The following TRPC4 variants were observed in gnomAD, a reference collection of about 807,000 sequenced individuals.
TRPC4 encodes short transient receptor potential channel 4.
In TRPC4, 49 loss-of-function variants were observed where a neutral mutation model predicts 99.4. The observed-to-expected ratio is 0.49, with a 90% CI of 0.39 to 0.63. TRPC4 has a LOEUF of 0.63. TRPC4 is among the 20% of genes least tolerant of loss of function. TRPC4 has a pLI of 0.00. For synonymous variants in TRPC4, 454 were observed against 425.9 expected (o/e 1.07, Z -0.81); for missense variants, 898 against 1,152.9 (o/e 0.78, Z 3.20).
intron 2 of TRPC4, among the ~76,000 whole-genome samples, chr13:37,753,601 GAGAGAGAAAGAA>G (rs1956010013): frequency 7.2e-6 from 1 of 139,280 alleles, no homozygotes; most frequent in Non-Finnish European, 1.6e-5. Context: ...GAGAGAGAGA[GAGAGAGAAAGAA>G]AGAAAGAGAA....
chr13:37,785,355 G>C (rs1288493062), intron 1 of TRPC4, among the ~76,000 whole-genome samples: 3 of 152,014 alleles, frequency 2.0e-5, no homozygotes. Flanking sequence ...GACCTTCACA[G>C]TGTAATTTTA....
In TRPC4 at chr13:37,675,906, C is replaced by T. The variant is rs538835771; in HGVS notation, c.1235-1539G>A. Among the ~76,000 whole-genome samples the T allele has an allele frequency of 1.9e-4, 29 of 152,218 alleles. No individual in the cohort carries two copies. The South Asian group carries it at 5.2e-3, about 27-fold the overall frequency. The stretch of plus-strand genomic sequence containing the variant: ...ACCACTGGAGGAAGGGCCTCTGAGG[C>T]ATAGATGTACAGGGAAGATCAAAAG... On this transcript the variant is annotated intron_variant, in intron 4 of 10. Transcript: ENST00000379705.
chr13:37,633,905 T>A lies in TRPC4; in HGVS notation c.*2998A>T, dbSNP rs986396049. 7.9e-5 allele frequency among the ~76,000 whole-genome samples: 12 copies of A among 152,090 alleles called. No homozygotes were observed. Among genetic ancestry groups the A allele is most frequent in the Non-Finnish European group, 1.6e-4 (11 of 67,974 alleles). Reference sequence around the variant, plus strand: ...ATATAGATTTATTTGCACAGAAATTTTAAGGAAAACCTTTATTACGAATAA... The same window carrying A: ...ATATAGATTTATTTGCACAGAAATTATAAGGAAAACCTTTATTACGAATAA... On this transcript the variant is annotated 3_prime_UTR_variant, in exon 11 of 11. Coordinates refer to ENST00000379705, the MANE Select transcript of TRPC4 (RefSeq NM_016179.4).
Position 37,804,377 on chromosome 13 carries a change from C to T in TRPC4, c.-27-21017G>A, listed in dbSNP as rs556638718. Among the ~76,000 whole-genome samples the T allele has an allele frequency of 1.8e-4, 28 of 152,166 alleles. No individual in the cohort carries two copies. In the South Asian group the frequency reaches 5.6e-3, roughly 30 times the overall value. On this transcript the variant is annotated intron_variant, in intron 1 of 10. Transcript: ENST00000379705. ...AACTAGTAAGTGATATGAACCAAGGCAATCTGGCGCCAGACTCCACATGCT... is the reference window on the plus strand; with the variant it reads ...AACTAGTAAGTGATATGAACCAAGGTAATCTGGCGCCAGACTCCACATGCT...
chr13:37,725,004 C>A (rs1285366613), intron 3 of TRPC4, among the ~76,000 whole-genome samples: 1 of 151,540 alleles, frequency 6.6e-6, no homozygotes, highest in Non-Finnish European at 1.5e-5. Flanking sequence ...GCTTAAAGAA[C>A]TAAAGGAGAA....
At chr13:37,849,105 TC>T (rs1312211723) in intron 1 of TRPC4, among the ~76,000 whole-genome samples, 1 of 152,102 alleles carries the variant, frequency 6.6e-6, no homozygotes, top group Non-Finnish European at 1.5e-5. Flanking sequence ...TCTATGAGCT[TC>T]CTGGGAAGGA....
intron 1 of TRPC4, among the ~76,000 whole-genome samples, chr13:37,841,613 C>T (rs1375076506): frequency 6.6e-6 from 1 of 151,152 alleles, no homozygotes; most frequent in Non-Finnish European, 1.5e-5. Context: ...GAAAGGTGAT[C>T]TATAGATGAC....
At chr13:37,714,966 T>G (rs1030239979) in intron 3 of TRPC4, among the ~76,000 whole-genome samples, 1 of 152,160 alleles carries the variant, frequency 6.6e-6, no homozygotes, top group African/African-American at 2.4e-5. Flanking sequence ...CTAATACGTA[T>G]AGGTACACAA....
At chr13:37,648,587 C>T (rs1342611411) in intron 8 of TRPC4, among the ~76,000 whole-genome samples, 1 of 151,526 alleles carries the variant, frequency 6.6e-6, no homozygotes, top group East Asian at 1.9e-4. Context: ...TGATTAGTTT[C>T]AAATTACCTT....
chr13:37,831,421 C>T (rs2139594635), intron 1 of TRPC4, among the ~76,000 whole-genome samples: 1 of 152,254 alleles, frequency 6.6e-6, no homozygotes, highest in South Asian at 2.1e-4. Flanking sequence ...AGGAAATCCT[C>T]ATACGCTGTT....
In TRPC4 at chr13:37,681,159, C is replaced by T. The variant is rs145122137; in HGVS notation, c.1235-6792G>A. 8.9e-4 allele frequency among the ~76,000 whole-genome samples: 135 copies of T among 152,222 alleles called. 1 individual carries two copies. Among genetic ancestry groups the T allele is most frequent in the African/African-American group, 3.2e-3 (133 of 41,538 alleles). On this transcript the variant is annotated intron_variant, in intron 4 of 10. Transcript: ENST00000379705. ...TAGCTGAGCAGACTCTGTTCTCGTC[C>T]GATGGGTTAAAGGAGATGAAACTTC... is the stretch of plus-strand genomic sequence containing the variant.
chr13:37,833,368 G>A (rs767149191), intron 1 of TRPC4, among the ~76,000 whole-genome samples: 12 of 151,988 alleles, frequency 7.9e-5, no homozygotes, highest in Admixed American at 2.6e-4. Context: ...TATTTGATAC[G>A]GCATTCACCT....
intron 1 of TRPC4, among the ~76,000 whole-genome samples, chr13:37,828,013 C>A (rs370184814): frequency 1.5e-4 from 23 of 152,284 alleles, no homozygotes; most frequent in African/African-American, 5.3e-4. Flanking sequence ...GTGCAGTACT[C>A]GGGTGGGAGT....
intron 1 of TRPC4, among the ~76,000 whole-genome samples, chr13:37,868,780 G>T (rs978080530): frequency 6.6e-6 from 1 of 152,116 alleles, no homozygotes; most frequent in Non-Finnish European, 1.5e-5. Flanking sequence ...TGTGAACAGG[G>T]ATACACCATA....
intron 1 of TRPC4, among the ~76,000 whole-genome samples, chr13:37,785,875 A>G (rs984045142): frequency 6.6e-6 from 1 of 152,220 alleles, no homozygotes; most frequent in East Asian, 1.9e-4. Context: ...AATTAAGCTT[A>G]CTAATATCTA....
chr13:37,758,360 A>T (rs531901873), intron 2 of TRPC4, among the ~76,000 whole-genome samples: 66 of 151,972 alleles, frequency 4.3e-4, no homozygotes, highest in South Asian at 4.1e-4. Context: ...TTTCAATGTG[A>T]TGATATTGTA....
intron 2 of TRPC4, among the ~76,000 whole-genome samples, chr13:37,776,113 T>C (rs951483383): frequency 2.0e-5 from 3 of 151,840 alleles, no homozygotes; most frequent in African/African-American, 7.2e-5. Context: ...AGGTCTCTTA[T>C]GACTGCCATT....
At chr13:37,648,088 A>G (rs1951904571) in intron 8 of TRPC4, among the ~76,000 whole-genome samples, 1 of 151,996 alleles carries the variant, frequency 6.6e-6, no homozygotes, top group Non-Finnish European at 1.5e-5. Flanking sequence ...GACTACAGGC[A>G]CGTGCCACCA....
intron 1 of TRPC4, among the ~76,000 whole-genome samples, chr13:37,789,566 T>TCC (rs1957058712): frequency 6.6e-6 from 1 of 152,046 alleles, no homozygotes; most frequent in Non-Finnish European, 1.5e-5. Flanking sequence ...AGTTTTACTC[T>TCC]GCCATTTTAG....
Sources: allele counts gnomAD v4.1 joint callset (sites outside exome capture counted in the v4.1 genomes callset), GRCh38; gene constraint gnomAD v4.1.1; transcripts MANE v1.5; gene names NCBI Gene and HGNC (gene_info 2026-07-23, HGNC 2026-07-21).